The following QRICH2 variants were observed in gnomAD, a reference collection of about 807,000 sequenced individuals.
The protein encoded by QRICH2 is glutamine-rich protein 2.
QRICH2 carries 119 observed loss-of-function variants against 168.3 expected under a neutral mutation model. The ratio of observed to expected loss-of-function variants is 0.71; its 90% CI spans 0.61 to 0.82. The LOEUF (loss-of-function observed/expected upper bound fraction) is 0.82, where lower values mean the gene tolerates loss of function less well. Among genes scored for constraint, QRICH2 ranks in the 40% least tolerant of loss-of-function variants. The pLI, the probability that QRICH2 is intolerant of heterozygous loss-of-function variation, is 0.00. For synonymous variants in QRICH2, 894 were observed against 951.2 expected (o/e 0.94, Z 1.11); for missense variants, 2,241 against 2,491.6 (o/e 0.90, Z 2.14).
At position 76,291,188 on chromosome 17, in the gene QRICH2, C is replaced by G. The variant is rs775515552; in HGVS notation, c.3539G>C (p.Arg1180Pro). ...AGAACTCATTCTACGCAGTGAATTG[C>G]GTCGCTCACTCAGGACTTCACTCGA... Reference protein sequence around the residue: ...EVSSEVLSERRNSLRRMSSSF... With the variant: ...EVSSEVLSERPNSLRRMSSSF... Residue 1180 changes from arginine to proline, a missense_variant, in exon 4 of 19, where the codon CGC (arginine) becomes CCC (proline). This residue lies in a region of QRICH2 where 2,047 missense variants were observed against 2,303.8 expected (regional missense o/e 0.89). Transcript: ENST00000680821. 2.5e-6 allele frequency: 4 copies of G among 1,614,032 alleles called. No individual in the cohort carries two copies. In the African/African-American group the frequency reaches 4.0e-5, roughly 16 times the overall value.
At chr17:76,309,263 G>A (rs1218109808), upstream of QRICH2, among the ~76,000 whole-genome samples, 1 of 150,774 alleles carries the variant, frequency 6.6e-6, no homozygotes, top group Admixed American at 6.6e-5. Flanking sequence ...GGCTGAGGCA[G>A]GAGAATCGCG....
Position 76,280,214 on chromosome 17 carries a change from G to C in QRICH2, c.4627-60C>G, listed in dbSNP as rs1159809390. 8 of 1,607,202 alleles carry C rather than the reference G, an allele frequency of 5.0e-6. No homozygotes were observed. The highest frequency in any genetic ancestry group is 6.0e-6 in the Non-Finnish European group (7 of 1,175,720). Reference sequence around the variant, plus strand: ...AGGAAGCAGGTAGGGGGCTGACCCAGGAGAAGGTGGTGCTGTCCCGATCCT... The same window carrying C: ...AGGAAGCAGGTAGGGGGCTGACCCACGAGAAGGTGGTGCTGTCCCGATCCT... On this transcript the variant is annotated intron_variant, in intron 11 of 18. Transcript: ENST00000680821. The surrounding 1 kb of genome is among the most constrained non-coding windows in gnomAD (Gnocchi z 7.4).
chr17:76,287,707 C>T, intron 6 of QRICH2, 93 bp downstream of exon 6: 1 of 879,886 alleles, frequency 1.1e-6, no homozygotes, highest in Non-Finnish European at 1.9e-6. Context: ...GTGGTCCATT[C>T]AGGGGCATAA....
rs146697124 is a variant in QRICH2 at position 76,293,438 on chromosome 17, C to A, written c.1289G>T (p.Arg430Leu). The change falls in exon 4 of 19, where the codon CGG becomes CTG. Residue 430 changes from arginine (R) to leucine (L), a missense_variant. Around this residue, in one of 3 missense-constraint regions of QRICH2, gnomAD observed 2,047 missense variants for 2,303.8 expected, o/e 0.89. Coordinates refer to ENST00000680821, the MANE Select transcript of QRICH2 (RefSeq NM_001388453.1). Reference protein sequence around the residue: ...LGVPPPEMDDRELIPFVVDEQ... With the variant: ...LGVPPPEMDDLELIPFVVDEQ... The stretch of plus-strand genomic sequence containing the variant: ...ATCCACGACAAATGGTATCAATTCC[C>A]GATCATCCATTTCAGGTGGTGGCAC... The A allele has an allele frequency of 2.0e-5, 32 of 1,614,168 alleles. No individual in the cohort carries two copies. The East Asian group carries it at 6.9e-4, about 35-fold the overall frequency.
rs376737488 is a variant in QRICH2 at position 76,280,625 on chromosome 17, C to T, written c.4461+29G>A. ...CAGTCAGCGAGACCGCCCTGGGACA[C>T]AGCGTGGCTCCTGGGGCCTGGCACC... On this transcript the variant is annotated intron_variant, in intron 10 of 18. Transcript: ENST00000680821. This position sits in a 1 kb window ranked among gnomAD's most constrained non-coding sequence, Gnocchi z 7.4. The T allele has an allele frequency of 2.0e-5, 32 of 1,613,176 alleles. No homozygotes were observed. Among genetic ancestry groups the T allele is most frequent in the Middle Eastern group, 3.3e-4 (2 of 6,074 alleles).
Position 76,279,356 on chromosome 17 carries a change from C to T in QRICH2, c.4814+7G>A. ...CGAGGCCACGTGCCGGCGGTGTGGG[C>T]ACTCACTGTCCAGTCACAGGTGTCT... On this transcript the variant is annotated splice_region_variant and intron_variant, in intron 13 of 18. Coordinates refer to ENST00000680821, the MANE Select transcript of QRICH2 (RefSeq NM_001388453.1). 3.7e-6 allele frequency: 6 copies of T among 1,611,080 alleles called. No individual in the cohort carries two copies. Among genetic ancestry groups the T allele is most frequent in the Non-Finnish European group, 5.1e-6 (6 of 1,178,448 alleles).
At position 76,304,414 on chromosome 17, in the gene QRICH2, C is replaced by T. The variant is rs1425640701; in HGVS notation, c.705+1G>A. On this transcript the variant is annotated splice_donor_variant, in intron 3 of 18. Transcript: ENST00000680821. LOFTEE classifies it high-confidence loss of function. ...CACGGCCCAGGCCCCCACTGGTTCACCGCTTGTGAGGCTCTCCAGCCGTCC... is the reference window on the plus strand; with the variant it reads ...CACGGCCCAGGCCCCCACTGGTTCATCGCTTGTGAGGCTCTCCAGCCGTCC... 1.2e-6 allele frequency: 2 copies of T among 1,609,374 alleles called. No individual in the cohort carries two copies. The highest frequency in any genetic ancestry group is 1.7e-6 in the Non-Finnish European group (2 of 1,177,290).
chr17:76,275,365 C>A (rs2070655277), intron 18 of QRICH2, among the ~76,000 whole-genome samples: 1 of 152,172 alleles, frequency 6.6e-6, no homozygotes, highest in African/African-American at 2.4e-5. Flanking sequence ...TCCTGACCTT[C>A]AGGCCCAACT....
At chr17:76,282,174 C>G in intron 7 of QRICH2, 59 bp from the exon 8 acceptor site, 1 of 1,535,544 alleles carries the variant, frequency 6.5e-7, no homozygotes. Context: ...CCACGCTCTG[C>G]CCATGCTGGC....
intron 18 of QRICH2, 82 bp from the exon 19 acceptor site, chr17:76,274,342 A>T (rs2143088974): frequency 7.0e-7 from 1 of 1,426,190 alleles, no homozygotes; most frequent in East Asian, 2.5e-5. Flanking sequence ...ATGCCCAGGG[A>T]GGTTGAGAGC....
Position 76,280,676 on chromosome 17 carries a change from T to G in QRICH2, c.4439A>C (p.His1480Pro). 6.2e-7 allele frequency: 1 copy of G among 1,614,148 alleles called. No individual in the cohort carries two copies. The highest frequency in any genetic ancestry group is 8.5e-7 in the Non-Finnish European group (1 of 1,180,024). The change falls in exon 10 of 19, where the codon CAC becomes CCC. Residue 1480 changes from histidine to proline, a missense_variant. Physicochemically the swap from His to Pro is moderately conservative, Grantham distance 77. This residue lies in a region of QRICH2 where 2,047 missense variants were observed against 2,303.8 expected (regional missense o/e 0.89). Coordinates refer to ENST00000680821, the MANE Select transcript of QRICH2 (RefSeq NM_001388453.1). This position sits in a 1 kb window ranked among gnomAD's most constrained non-coding sequence, Gnocchi z 7.4. ...KLEKEKANRE[H>P]LEMEIDVKAD... ...CACCACATCGATCTCCATCTCCAGGTGCTCCCTGTTGGCCTTTTCCTTTTC... is the reference window on the plus strand; with the variant it reads ...CACCACATCGATCTCCATCTCCAGGGGCTCCCTGTTGGCCTTTTCCTTTTC...
At position 76,276,735 on chromosome 17, in the gene QRICH2, G is replaced by C. The variant is rs151199913; in HGVS notation, c.5298C>G (p.Gly1766=). ...TGTCCATCCGTCCCTTGTAAATGTG[G>C]CCATCCAGGCCCAAGATGTCCACCT... ...HDEVDILGLD[G]HIYKGRMDTR... is the part of the protein sequence containing the mutation. The change falls in exon 17 of 19, where the codon GGC becomes GGG. Residue 1766 remains glycine (G), a synonymous_variant. Coordinates refer to ENST00000680821, the MANE Select transcript of QRICH2 (RefSeq NM_001388453.1). The C allele has an allele frequency of 3.1e-3, 4,971 of 1,613,380 alleles. 97 individuals carry two copies. In the Admixed American group the frequency reaches 0.043, roughly 14 times the overall value.
At position 76,294,109 on chromosome 17, in the gene QRICH2, G is replaced by A. The variant is rs535693413; in HGVS notation, c.706-88C>T. ...AAGGAAATCTGGAAGTTCTGACTAG[G>A]ATGATTTAGGGCCCCTGGAGAAAAA... On this transcript the variant is annotated intron_variant, in intron 3 of 18. Coordinates refer to ENST00000680821, the MANE Select transcript of QRICH2 (RefSeq NM_001388453.1). 312 of 1,482,724 alleles carry A rather than the reference G, an allele frequency of 2.1e-4. 4 individuals carry two copies. In the South Asian group the frequency reaches 4.1e-3, roughly 19 times the overall value. 91.8% of individuals were successfully genotyped at this position (1,482,724 alleles called of 1,614,324 possible). A position where few individuals can be genotyped will look rare whatever the true frequency, so the allele number is the denominator to read the frequency against.
chr17:76,308,478 G>A (rs993259309), upstream of QRICH2: 5 of 985,256 alleles, frequency 5.1e-6, no homozygotes, highest in Admixed American at 1.2e-4. Flanking sequence ...CACTCTTGGC[G>A]GGGCCACATA....
At chr17:76,304,969 T>G in intron 1 of QRICH2, 28 bp from the exon 2 acceptor site, 1 of 1,556,676 alleles carries the variant, frequency 6.4e-7, no homozygotes, top group Non-Finnish European at 8.9e-7. Context: ...GAAAGGAGAA[T>G]GACAGTGGCC....
Position 76,280,818 on chromosome 17 carries a change from T to C in QRICH2, c.4386+13A>G, listed in dbSNP as rs960757041. The stretch of plus-strand genomic sequence containing the variant: ...AGCCCCGGCCCCATCCCAGCCACCC[T>C]GCGGCCGCTCACAGCAATGTCCTTC... On this transcript the variant is annotated intron_variant, in intron 9 of 18. Coordinates refer to ENST00000680821, the MANE Select transcript of QRICH2 (RefSeq NM_001388453.1). The surrounding 1 kb of genome is among the most constrained non-coding windows in gnomAD (Gnocchi z 7.4). 1.2e-6 allele frequency: 2 copies of C among 1,613,976 alleles called. No individual in the cohort carries two copies. The highest frequency in any genetic ancestry group is 1.7e-6 in the Non-Finnish European group (2 of 1,179,998).
chr17:76,295,973 C>T (rs547723483), intron 3 of QRICH2, among the ~76,000 whole-genome samples: 3 of 152,312 alleles, frequency 2.0e-5, no homozygotes, highest in African/African-American at 7.2e-5. Flanking sequence ...GCCTGTAATC[C>T]CAGCACTTTG....
rs898861799 is a variant in QRICH2, at chr17:76,307,100, G to A, written c.534+365C>T. 3.3e-5 allele frequency among the ~76,000 whole-genome samples: 5 copies of A among 152,190 alleles called. No individual in the cohort carries two copies. Among genetic ancestry groups the A allele is most frequent in the African/African-American group, 7.2e-5 (3 of 41,518 alleles). On this transcript the variant is annotated intron_variant, in intron 1 of 18. Coordinates refer to ENST00000680821, the MANE Select transcript of QRICH2 (RefSeq NM_001388453.1). The surrounding 1 kb of genome is among the most constrained non-coding windows in gnomAD (Gnocchi z 5.3). ...GCCGGCCCCACTCTGAGCCAGCTCT[G>A]GGTCCTTGGATGTCTGATAAGTGGT... is the stretch of plus-strand genomic sequence containing the variant.
At chr17:76,290,388 T>G (rs73352306) in intron 4 of QRICH2, among the ~76,000 whole-genome samples, 3,856 of 152,112 alleles carry the variant, frequency 0.025, 167 homozygotes, top group African/African-American at 0.086. Context: ...AATGTTAAGT[T>G]TTGTTTTGTT....
Sources: allele counts gnomAD v4.1 joint callset (sites outside exome capture counted in the v4.1 genomes callset), GRCh38; gene constraint gnomAD v4.1.1; regional missense constraint gnomAD v4.1.1; non-coding constraint Gnocchi (gnomAD v3.1); transcripts MANE v1.5; gene names NCBI Gene and HGNC (gene_info 2026-07-23, HGNC 2026-07-21).